Variants in BCAS3 observed in about 807,000 individuals in gnomAD.
The protein encoded by BCAS3 is BCAS3 microtubule associated cell migration factor, also known as BCAS4/BCAS3 fusion.
A neutral mutation model predicts 116.1 loss-of-function variants in BCAS3; 53 were observed. That is an observed-to-expected ratio of 0.46 (90% CI 0.37 to 0.57). The LOEUF is 0.57. Among genes scored for constraint, BCAS3 ranks in the 20% least tolerant of loss-of-function variants. The pLI is 0.00. For synonymous variants in BCAS3, 391 were observed against 408.2 expected, an observed-to-expected ratio of 0.96 and a Z score of 0.51; for missense variants, 917 against 1,165.4, an observed-to-expected ratio of 0.79 and a Z score of 3.10.
chr17:60,705,512 C>CAA (rs1033436210), intron 4 of BCAS3, among the ~76,000 whole-genome samples: 131 of 61,764 alleles, frequency 2.1e-3, no homozygotes, highest in African/African-American at 5.4e-3. Flanking sequence ...AGACTTGTCT[C>CAA]AAAAAAAAAA....
rs1030646129 is a variant in BCAS3 at position 61,118,171 on chromosome 17, G to C, written c.2425+33607G>C. On this transcript the variant is annotated intron_variant, in intron 22 of 23. Coordinates refer to ENST00000407086, the MANE Select transcript of BCAS3 (RefSeq NM_017679.5). This position sits in a 1 kb window ranked among gnomAD's most constrained non-coding sequence, Gnocchi z 5.0. Reference sequence around the variant, plus strand: ...TTTCTCTGGTATCACAATGGCAGGGGAAGTAGGATGTTCTACCTCGTTTCT... The same window carrying C: ...TTTCTCTGGTATCACAATGGCAGGGCAAGTAGGATGTTCTACCTCGTTTCT... Among the ~76,000 whole-genome samples, 1 of 152,166 alleles carries C rather than the reference G, an allele frequency of 6.6e-6. No individual in the cohort carries two copies. Among genetic ancestry groups the C allele is most frequent in the African/African-American group, 2.4e-5 (1 of 41,430 alleles).
At chr17:61,060,719 A>G (rs1568254964) in intron 19 of BCAS3, among the ~76,000 whole-genome samples, 1 of 152,250 alleles carries the variant, frequency 6.6e-6, no homozygotes, top group Non-Finnish European at 1.5e-5. Flanking sequence ...TGTATAAGGA[A>G]TCTACCAATT....
rs200511498 is a variant in BCAS3, at chr17:61,033,430, A to G, written c.1638-1236A>G. On this transcript the variant is annotated intron_variant, in intron 16 of 23. Coordinates refer to ENST00000407086, the MANE Select transcript of BCAS3 (RefSeq NM_017679.5). ...CTATGAAGTAGGCATTACTATTTCT[A>G]TTTTACATATTAGTAGTCTGAGCTC... 3.9e-5 allele frequency among the ~76,000 whole-genome samples: 6 copies of G among 152,078 alleles called. No homozygotes were observed. In the East Asian group the frequency reaches 7.7e-4, roughly 20 times the overall value.
At chr17:60,933,512 G>C (rs972027187) in intron 13 of BCAS3, among the ~76,000 whole-genome samples, 11 of 152,198 alleles carry the variant, frequency 7.2e-5, no homozygotes, top group African/African-American at 2.7e-4. Context: ...TAGCAAAACA[G>C]AGTAAATATG....
intron 11 of BCAS3, among the ~76,000 whole-genome samples, chr17:60,908,804 G>A (rs2145090714): frequency 6.6e-6 from 1 of 152,260 alleles, no homozygotes; most frequent in East Asian, 1.9e-4. Flanking sequence ...TTCAGCATAT[G>A]GCTTTGCTGG....
chr17:61,264,128 T>TTA (rs1368395033), intron 22 of BCAS3, among the ~76,000 whole-genome samples: 1 of 151,804 alleles, frequency 6.6e-6, no homozygotes, highest in Non-Finnish European at 1.5e-5. Flanking sequence ...TTAAATGAGT[T>TTA]TATATATATA....
At chr17:61,170,302 G>GT (rs200932936) in intron 22 of BCAS3, among the ~76,000 whole-genome samples, 5 of 145,836 alleles carry the variant, frequency 3.4e-5, no homozygotes, top group Non-Finnish European at 7.6e-5. Context: ...TTGTTTTTTG[G>GT]TTTTTTTTGA....
chr17:60,975,156 C>T (rs1243136802), intron 14 of BCAS3, among the ~76,000 whole-genome samples: 3 of 151,522 alleles, frequency 2.0e-5, no homozygotes, highest in African/African-American at 2.4e-5. Flanking sequence ...CGCCCGCCAC[C>T]GCGCCCGGCT....
chr17:61,219,527 A>G lies in BCAS3; in HGVS notation c.2425+134963A>G, dbSNP rs758105500. ...TTGCTTATCTTGTACCTTCTTGCTC[A>G]TAGTATTGACAGTACCACTGAATTG... On this transcript the variant is annotated intron_variant, in intron 22 of 23. Transcript: ENST00000407086. The surrounding 1 kb of genome is among the most constrained non-coding windows in gnomAD (Gnocchi z 5.2). Among the ~76,000 whole-genome samples, 10 of 152,210 alleles carry G rather than the reference A, an allele frequency of 6.6e-5. No individual in the cohort carries two copies. Among genetic ancestry groups the G allele is most frequent in the Non-Finnish European group, 1.0e-4 (7 of 68,044 alleles).
intron 22 of BCAS3, among the ~76,000 whole-genome samples, chr17:61,236,932 A>C (rs1218232570): frequency 6.6e-6 from 1 of 152,170 alleles, no homozygotes; most frequent in African/African-American, 2.4e-5. Context: ...GGAGGTAATA[A>C]AAGAGAAGAC....
At chr17:61,033,790 C>T (rs1231948808) in intron 16 of BCAS3, among the ~76,000 whole-genome samples, 1 of 151,986 alleles carries the variant, frequency 6.6e-6, no homozygotes, top group Non-Finnish European at 1.5e-5. Context: ...CTTGATAAAC[C>T]AAAAGAGAAC....
At position 61,092,352 on chromosome 17, in the gene BCAS3, C is replaced by T. The variant is rs183655767; in HGVS notation, c.2425+7788C>T. Among the ~76,000 whole-genome samples the T allele has an allele frequency of 2.8e-4, 43 of 152,236 alleles. No individual in the cohort carries two copies. In the East Asian group the frequency reaches 3.9e-3, roughly 14 times the overall value. Reference sequence around the variant, plus strand: ...TGTCTCTCTCTCTCTCTCTGTCTCTCGTCAACATATGCATACATTTCCTTT... The same window carrying T: ...TGTCTCTCTCTCTCTCTCTGTCTCTTGTCAACATATGCATACATTTCCTTT... On this transcript the variant is annotated intron_variant, in intron 22 of 23. Coordinates refer to ENST00000407086, the MANE Select transcript of BCAS3 (RefSeq NM_017679.5).
At chr17:60,922,342 G>A (rs984594754) in intron 12 of BCAS3, among the ~76,000 whole-genome samples, 1 of 152,106 alleles carries the variant, frequency 6.6e-6, no homozygotes, top group Non-Finnish European at 1.5e-5. Context: ...GGTCAGGCTG[G>A]TCTCGAACTC....
chr17:60,703,278 A>C (rs938501456), intron 4 of BCAS3, among the ~76,000 whole-genome samples: 3 of 151,010 alleles, frequency 2.0e-5, no homozygotes, highest in Non-Finnish European at 4.4e-5. Flanking sequence ...CTGTCTCAAA[A>C]AACAGAAAAA....
chr17:61,165,395 C>CT (rs1378500831), intron 22 of BCAS3, among the ~76,000 whole-genome samples: 1 of 152,128 alleles, frequency 6.6e-6, no homozygotes, highest in Non-Finnish European at 1.5e-5. Flanking sequence ...AGTTATTCTA[C>CT]TTTTTTTTAA....
intron 22 of BCAS3, among the ~76,000 whole-genome samples, chr17:61,167,398 G>A (rs745468229): frequency 3.3e-5 from 5 of 152,114 alleles, no homozygotes; most frequent in Non-Finnish European, 7.4e-5. Context: ...GATATTGCCA[G>A]GTCTAGAATT....
At chr17:61,070,300 T>A in intron 19 of BCAS3, 2 of 1,363,836 alleles carry the variant, frequency 1.5e-6, no homozygotes, top group East Asian at 2.3e-5. Context: ...GGCTCCTGGT[T>A]ACGATGCTTT....
intron 22 of BCAS3, among the ~76,000 whole-genome samples, chr17:61,246,792 A>AGT (rs61382195): frequency 0.066 from 9,544 of 144,150 alleles, 346 homozygotes; most frequent in Middle Eastern, 0.14. Flanking sequence ...TTTGAGTGAG[A>AGT]GTGTGTGTGT....
chr17:61,112,797 T>C (rs1403161154), intron 22 of BCAS3, among the ~76,000 whole-genome samples: 13 of 151,936 alleles, frequency 8.6e-5, no homozygotes, highest in Non-Finnish European at 8.8e-5. Flanking sequence ...TTTTTCAGCA[T>C]CACACCACAC....
Sources: gnomAD v4.1 joint callset for allele counts (sites outside exome capture counted in the v4.1 genomes callset) on GRCh38, gnomAD v4.1.1 for gene constraint, Gnocchi (gnomAD v3.1) non-coding constraint, MANE v1.5 for transcripts, NCBI Gene and HGNC (gene_info 2026-07-23, HGNC 2026-07-21) for gene names.